Variants in TMEM165 observed in about 807,000 individuals in gnomAD.
TMEM165 encodes putative divalent cation/proton antiporter TMEM165.
Under a neutral mutation model 30.0 loss-of-function variants are expected in TMEM165, and 19 were observed. That is an observed-to-expected ratio of 0.63 (90% CI 0.44 to 0.93). The LOEUF (loss-of-function observed/expected upper bound fraction) is 0.93. TMEM165 is among the 40% of genes least tolerant of loss of function. TMEM165 has a pLI of 0.00. For missense variants in TMEM165, 340 were observed against 417.0 expected (o/e 0.82, Z 1.61); for synonymous variants, 168 against 162.9 (o/e 1.03, Z -0.24).
chr4:55,438,134 A>G (rs1723038287), intron 3 of TMEM165: 1 of 1,108,288 alleles, frequency 9.0e-7, no homozygotes, highest in East Asian at 2.5e-5. Context: ...CGCCAACCAG[A>G]ACAAGCTTTC....
chr4:55,400,941 T>A (rs1720973095), intron 1 of TMEM165, among the ~76,000 whole-genome samples: 4 of 150,776 alleles, frequency 2.7e-5, no homozygotes, highest in African/African-American at 1.0e-4. Flanking sequence ...CCTTGCTGAA[T>A]ATGTAAGTTT....
intron 3 of TMEM165, chr4:55,434,291 G>C (rs997463294): frequency 1.3e-5 from 2 of 152,514 alleles, no homozygotes; most frequent in African/African-American, 2.4e-5. Flanking sequence ...TAATAAAAAA[G>C]ATTTCAACAA....
chr4:55,396,333 G>A lies in TMEM165; in HGVS notation c.144G>A (p.Ala48=), dbSNP rs1264166686. The A allele has an allele frequency of 6.6e-7, 1 of 1,516,808 alleles. No individual in the cohort carries two copies. Among genetic ancestry groups the A allele is most frequent in the South Asian group, 1.2e-5 (1 of 81,266 alleles). 94.0% of individuals were successfully genotyped at this position (1,516,808 alleles called of 1,614,324 possible). Residue 48 remains alanine, a synonymous_variant, in exon 1 of 6, where the codon GCG becomes GCA. Coordinates refer to ENST00000381334, the MANE Select transcript of TMEM165 (RefSeq NM_018475.5). ...DLSHRNKEPP[A]PAQQLQPQPV... ...GCCACCGGAACAAAGAACCGCCGGC[G>A]CCGGCCCAGCAGCTGCAGCCGCAGC...
rs1289233172 is a variant in TMEM165 at position 55,436,300 on chromosome 4, G to A, written c.408+11657G>A. The stretch of plus-strand genomic sequence containing the variant: ...AGACAAACAAAACAAAATGAAAAAA[G>A]GCACAGGATTTGCAGACAGAAGCCC... On this transcript the variant is annotated intron_variant, in intron 3 of 3. Coordinates refer to the TMEM165 transcript ENST00000608091. 8.5e-5 allele frequency among the ~76,000 whole-genome samples: 13 copies of A among 152,234 alleles called. No homozygotes were observed. The South Asian group carries it at 2.5e-3, about 29-fold the overall frequency.
rs368404675 is a variant in TMEM165 at position 55,447,502 on chromosome 4, G to A, written c.409-4737G>A. 2.0e-4 allele frequency among the ~76,000 whole-genome samples: 30 copies of A among 152,262 alleles called. No homozygotes were observed. In the East Asian group the frequency reaches 4.6e-3, roughly 23 times the overall value. ...TTTCTATCAAGTACAAAAGAAAATA[G>A]TAACAAACACAGAAGGTAGGATAAC... On this transcript the variant is annotated intron_variant, in intron 3 of 3. Coordinates refer to the TMEM165 transcript ENST00000608091.
intron 3 of TMEM165, chr4:55,431,957 T>C (rs1182280303): frequency 6.6e-6 from 1 of 152,242 alleles, no homozygotes; most frequent in Non-Finnish European, 1.5e-5. Flanking sequence ...TCAAGCAGAC[T>C]GCTTTAAGGC....
intron 1 of TMEM165, among the ~76,000 whole-genome samples, chr4:55,400,438 T>C (rs1720950511): frequency 7.4e-6 from 1 of 134,978 alleles, no homozygotes; most frequent in South Asian, 2.2e-4. Context: ...AAAAATATAA[T>C]ATATATAATA....
intron 2 of TMEM165, chr4:55,415,127 CT>C (rs1208908302): frequency 6.6e-6 from 1 of 152,174 alleles, no homozygotes; most frequent in African/African-American, 2.4e-5. Context: ...TTCATTGATG[CT>C]TGCAAAATGA....
chr4:55,418,191 T>C, intron 4 of TMEM165: 1 of 465,644 alleles, frequency 2.1e-6, no homozygotes, highest in Admixed American at 4.1e-5. Context: ...CAAGCTCAGT[T>C]GGGCTCTTTT....
At position 55,444,793 on chromosome 4, in the gene TMEM165, A is replaced by G. The variant is rs780638109; in HGVS notation, c.409-7446A>G. On this transcript the variant is annotated intron_variant, in intron 3 of 3. Coordinates refer to the TMEM165 transcript ENST00000608091. Reference sequence around the variant, plus strand: ...TTGAGCTGAAAACTGAAACTGAAGTACCATGTACGGAAAAAGTGTAATATA... The same window carrying G: ...TTGAGCTGAAAACTGAAACTGAAGTGCCATGTACGGAAAAAGTGTAATATA... The G allele has an allele frequency of 1.9e-6, 3 of 1,613,548 alleles. No homozygotes were observed. In the South Asian group the frequency reaches 3.3e-5, roughly 18 times the overall value.
At chr4:55,428,344 T>G (rs973862315), downstream of TMEM165, 2 of 152,190 alleles carry the variant, frequency 1.3e-5, no homozygotes, top group African/African-American at 4.8e-5. Flanking sequence ...ATGGCAATAT[T>G]AAATCGGTAA....
chr4:55,446,513 A>G (rs1050002050), intron 3 of TMEM165, among the ~76,000 whole-genome samples: 6 of 152,210 alleles, frequency 3.9e-5, no homozygotes, highest in Admixed American at 3.9e-4. Flanking sequence ...GATAACCAAT[A>G]ATATTTTCAC....
chr4:55,411,598 G>GT lies in TMEM165; in HGVS notation c.208-16_208-15insT. The GT allele has an allele frequency of 6.4e-7, 1 of 1,554,820 alleles. No homozygotes were observed. The highest frequency in any genetic ancestry group is 8.8e-7 in the Non-Finnish European group (1 of 1,133,896). On this transcript the variant is annotated splice_polypyrimidine_tract_variant and intron_variant, in intron 1 of 5. Transcript: ENST00000381334. ...TGAATAATGATTTTAAGAAGTAACT[G>GT]ATTTTTTTTTTCCAGAAAATATTTA...
rs146646593 is a variant in TMEM165, at chr4:55,450,930, A to G, written c.409-1309A>G. 6.5e-3 allele frequency among the ~76,000 whole-genome samples: 996 copies of G among 152,218 alleles called. 17 individuals are homozygous for G. Among genetic ancestry groups the G allele is most frequent in the African/African-American group, 0.022 (926 of 41,520 alleles). ...AGAGAATTGCTTAAGCCCAGGAGCTAGAGTTTCATAGTTTCATACAGCGAC... is the reference window on the plus strand; with the variant it reads ...AGAGAATTGCTTAAGCCCAGGAGCTGGAGTTTCATAGTTTCATACAGCGAC... On this transcript the variant is annotated intron_variant, in intron 3 of 3. Transcript: ENST00000608091.
intron 3 of TMEM165, among the ~76,000 whole-genome samples, chr4:55,446,237 G>C (rs1348371909): frequency 6.6e-6 from 1 of 151,622 alleles, no homozygotes; most frequent in Non-Finnish European, 1.5e-5. Context: ...GGGACTACAG[G>C]CATATGCCAC....
At chr4:55,430,988 A>T (rs559139302), downstream of TMEM165, 1 of 152,184 alleles carries the variant, frequency 6.6e-6, no homozygotes, top group Non-Finnish European at 1.5e-5. Flanking sequence ...GGACCTAAAC[A>T]TTTCTCAGAA....
chr4:55,398,311 C>T (rs757746097), intron 1 of TMEM165, among the ~76,000 whole-genome samples: 1 of 152,176 alleles, frequency 6.6e-6, no homozygotes, highest in African/African-American at 2.4e-5. Flanking sequence ...GATAAAGTTA[C>T]TGGGAAGTGA....
chr4:55,439,955 C>A (rs548877502), intron 3 of TMEM165, among the ~76,000 whole-genome samples: 35 of 152,090 alleles, frequency 2.3e-4, no homozygotes, highest in African/African-American at 7.2e-4. Flanking sequence ...TGACAATGAA[C>A]TGTATATTTT....
intron 1 of TMEM165, among the ~76,000 whole-genome samples, chr4:55,410,842 G>A (rs1721465409): frequency 6.6e-6 from 1 of 152,130 alleles, no homozygotes; most frequent in Admixed American, 6.5e-5. Context: ...TAACAAATAA[G>A]GTAATTTTGG....
Sources: gnomAD v4.1 joint callset for allele counts (sites outside exome capture counted in the v4.1 genomes callset) on GRCh38, gnomAD v4.1.1 for gene constraint, MANE v1.5 for transcripts, NCBI Gene and HGNC (gene_info 2026-07-23, HGNC 2026-07-21) for gene names.